NEGR1: variants seen among roughly 807,000 people sequenced by gnomAD.
NEGR1 encodes the protein IgLON family member 4.
A neutral mutation model predicts 40.9 loss-of-function variants in NEGR1; 10 were observed. The observed-to-expected ratio is 0.24, with a 90% CI of 0.15 to 0.42. The LOEUF (loss-of-function observed/expected upper bound fraction) is 0.42, where lower values mean the gene tolerates loss of function less well. Among genes scored for constraint, NEGR1 ranks in the 10% least tolerant of loss-of-function variants. NEGR1 has a pLI of 1.00. For synonymous variants in NEGR1, 185 were observed against 166.8 expected (o/e 1.11, Z -0.84); for missense variants, 352 against 438.9 (o/e 0.80, Z 1.77).
At chr1:71,410,367 C>G (rs565708788) in intron 6 of NEGR1, among the ~76,000 whole-genome samples, 2 of 152,200 alleles carry the variant, frequency 1.3e-5, no homozygotes, top group South Asian at 4.1e-4. Context: ...CTTTAAATAT[C>G]TACTGAATAT....
intron 1 of NEGR1, among the ~76,000 whole-genome samples, chr1:72,133,014 T>C (rs1029685258): frequency 6.6e-5 from 10 of 152,116 alleles, no homozygotes; most frequent in Admixed American, 5.9e-4. Flanking sequence ...TAATAAGACA[T>C]TGAAACAATT....
intron 4 of NEGR1, among the ~76,000 whole-genome samples, chr1:71,663,353 T>C (rs548160300): frequency 4.3e-4 from 65 of 152,276 alleles, no homozygotes; most frequent in African/African-American, 1.5e-3. Context: ...TTATTTTATA[T>C]TTTTAATATT....
At chr1:71,679,336 C>T (rs1414999683) in intron 4 of NEGR1, among the ~76,000 whole-genome samples, 7 of 152,082 alleles carry the variant, frequency 4.6e-5, no homozygotes, top group Admixed American at 4.6e-4. Flanking sequence ...GGACAATCAA[C>T]ATTTTTACTA....
intron 6 of NEGR1, among the ~76,000 whole-genome samples, chr1:71,558,678 G>C (rs905061124): frequency 6.8e-6 from 1 of 148,078 alleles, no homozygotes. Flanking sequence ...TCTTTAGATT[G>C]TGTCTGTGTC....
At chr1:71,651,109 G>A (rs1012544953) in intron 4 of NEGR1, among the ~76,000 whole-genome samples, 1 of 152,092 alleles carries the variant, frequency 6.6e-6, no homozygotes, top group Non-Finnish European at 1.5e-5. Flanking sequence ...GAAAAACTAA[G>A]ACAAATGAAT....
chr1:71,415,494 AC>A (rs1646349472), intron 6 of NEGR1, among the ~76,000 whole-genome samples: 1 of 152,118 alleles, frequency 6.6e-6, no homozygotes. Flanking sequence ...CTTGGTTATT[AC>A]CCACATTCAG....
chr1:72,273,525 T>C (rs1331456523), intron 1 of NEGR1, among the ~76,000 whole-genome samples: 1 of 151,934 alleles, frequency 6.6e-6, no homozygotes, highest in Non-Finnish European at 1.5e-5. Context: ...ACTAGGTCAT[T>C]GCACTTCAAA....
chr1:72,053,794 C>T (rs1184497313), intron 1 of NEGR1, among the ~76,000 whole-genome samples: 1 of 150,878 alleles, frequency 6.6e-6, no homozygotes, highest in Admixed American at 6.6e-5. Flanking sequence ...ACACTAGTTT[C>T]ATGTTTTGAA....
intron 1 of NEGR1, among the ~76,000 whole-genome samples, chr1:72,078,150 T>C (rs866353724): frequency 2.6e-5 from 4 of 152,130 alleles, no homozygotes; most frequent in African/African-American, 7.2e-5. Context: ...GTAGTACTAA[T>C]TTATTACTCC....
At chr1:71,415,586 G>A (rs948630688) in intron 6 of NEGR1, among the ~76,000 whole-genome samples, 1 of 151,956 alleles carries the variant, frequency 6.6e-6, no homozygotes, top group Non-Finnish European at 1.5e-5. Context: ...TCTAATTTGA[G>A]GTAAGGAGAA....
chr1:72,273,829 GATTTAAAAAAAA>G (rs946814045), intron 1 of NEGR1, among the ~76,000 whole-genome samples: 6 of 150,134 alleles, frequency 4.0e-5, no homozygotes, highest in Non-Finnish European at 5.9e-5. Flanking sequence ...TTGATATATG[GATTTAAAAAAAA>G]AAACACTTAA....
chr1:72,150,789 A>G (rs1651098096), intron 1 of NEGR1, among the ~76,000 whole-genome samples: 1 of 152,122 alleles, frequency 6.6e-6, no homozygotes, highest in Admixed American at 6.6e-5. Context: ...CATTTTACAA[A>G]GCCAAAAAAT....
chr1:71,819,168 G>A (rs1353432039), intron 2 of NEGR1, among the ~76,000 whole-genome samples: 2 of 151,962 alleles, frequency 1.3e-5, no homozygotes, highest in Non-Finnish European at 2.9e-5. Flanking sequence ...TCTTCTCATG[G>A]TGATAGAATT....
chr1:71,772,776 T>C (rs2101713773), intron 3 of NEGR1, among the ~76,000 whole-genome samples: 1 of 152,272 alleles, frequency 6.6e-6, no homozygotes, highest in Non-Finnish European at 1.5e-5. Context: ...TGCTCTCAAC[T>C]GGTTCAGTGA....
intron 4 of NEGR1, among the ~76,000 whole-genome samples, chr1:71,620,130 T>A (rs1403762198): frequency 6.6e-6 from 1 of 152,020 alleles, no homozygotes; most frequent in East Asian, 1.9e-4. Flanking sequence ...CACGCCATGT[T>A]AAATAACTGC....
At chr1:71,587,635 C>T (rs1649349401) in intron 6 of NEGR1, among the ~76,000 whole-genome samples, 1 of 135,154 alleles carries the variant, frequency 7.4e-6, no homozygotes, top group Non-Finnish European at 1.6e-5. Flanking sequence ...TGAATAAATG[C>T]ATACACGAGT....
chr1:71,856,102 T>G (rs1189551813), intron 2 of NEGR1, among the ~76,000 whole-genome samples: 1 of 151,982 alleles, frequency 6.6e-6, no homozygotes, highest in Non-Finnish European at 1.5e-5. Context: ...ATGTAGATAT[T>G]TATTAAGGGT....
intron 1 of NEGR1, among the ~76,000 whole-genome samples, chr1:72,234,181 T>C (rs1369402509): frequency 6.6e-6 from 1 of 152,092 alleles, no homozygotes; most frequent in Non-Finnish European, 1.5e-5. Flanking sequence ...TTCTCCTCCA[T>C]GCGTTCATGT....
chr1:72,216,303 C>T (rs1461532000), intron 1 of NEGR1, among the ~76,000 whole-genome samples: 1 of 149,892 alleles, frequency 6.7e-6, no homozygotes, highest in Non-Finnish European at 1.5e-5. Flanking sequence ...CAGCAAACCA[C>T]CGTGACACAT....
Sources: allele counts gnomAD v4.1 joint callset (sites outside exome capture counted in the v4.1 genomes callset), GRCh38; gene constraint gnomAD v4.1.1; transcripts MANE v1.5; gene names NCBI Gene and HGNC (gene_info 2026-07-23, HGNC 2026-07-21).